Variants in ADAMTSL1 observed in about 807,000 individuals in gnomAD.
ADAMTSL1 encodes the protein ADAMTS-like protein 1.
Under a neutral mutation model 201.8 loss-of-function variants are expected in ADAMTSL1, and 126 were observed. That is an observed-to-expected ratio of 0.62 (90% CI 0.54 to 0.72). The LOEUF (loss-of-function observed/expected upper bound fraction) is 0.72, where lower values mean the gene tolerates loss of function less well. ADAMTSL1 is among the 30% of genes least tolerant of loss of function. ADAMTSL1 has a pLI of 0.00. For synonymous variants in ADAMTSL1, 1,121 were observed against 903.4 expected (o/e 1.24, Z -4.32); for missense variants, 2,679 against 2,277.8 (o/e 1.18, Z -3.59).
intron 2 of ADAMTSL1, among the ~76,000 whole-genome samples, chr9:18,232,638 G>T (rs1830688106): frequency 6.6e-6 from 1 of 152,164 alleles, no homozygotes; most frequent in South Asian, 2.1e-4. Flanking sequence ...GGTCTCTGTA[G>T]TTAGACCTCT....
intron 2 of ADAMTSL1, among the ~76,000 whole-genome samples, chr9:18,246,378 C>G (rs1831259038): frequency 6.6e-6 from 1 of 151,932 alleles, no homozygotes; most frequent in Non-Finnish European, 1.5e-5. Flanking sequence ...TGTGTATTAC[C>G]ATTTGGAAAC....
chr9:18,325,436 A>G (rs1172764405), intron 2 of ADAMTSL1, among the ~76,000 whole-genome samples: 1 of 152,246 alleles, frequency 6.6e-6, no homozygotes, highest in Non-Finnish European at 1.5e-5. Flanking sequence ...TTACATACAT[A>G]TTCATGTGGA....
At chr9:18,577,927 C>A (rs1822842706) in intron 4 of ADAMTSL1, among the ~76,000 whole-genome samples, 1 of 151,796 alleles carries the variant, frequency 6.6e-6, no homozygotes, top group Non-Finnish European at 1.5e-5. Context: ...GAATAAAGGA[C>A]AATTCTTTGA....
chr9:18,057,671 C>T (rs560069219), intron 1 of ADAMTSL1, among the ~76,000 whole-genome samples: 5 of 152,220 alleles, frequency 3.3e-5, no homozygotes, highest in Non-Finnish European at 7.3e-5. Context: ...AAAGTCAGAG[C>T]TTGTCACCAC....
At chr9:18,862,035 G>A (rs1827245046) in intron 23 of ADAMTSL1, among the ~76,000 whole-genome samples, 1 of 152,174 alleles carries the variant, frequency 6.6e-6, no homozygotes, top group South Asian at 2.1e-4. Flanking sequence ...CACCCCCACT[G>A]CTCACCGTGG....
At chr9:18,886,368 C>T (rs1828898203) in intron 23 of ADAMTSL1, among the ~76,000 whole-genome samples, 1 of 151,206 alleles carries the variant, frequency 6.6e-6, no homozygotes, top group African/African-American at 2.4e-5. Flanking sequence ...CTTGGGTGAC[C>T]GAGCGAGACC....
At chr9:18,139,194 A>G (rs879385190) in intron 1 of ADAMTSL1, among the ~76,000 whole-genome samples, 6 of 152,090 alleles carry the variant, frequency 3.9e-5, no homozygotes, top group Admixed American at 1.3e-4. Flanking sequence ...TGAAATGGCA[A>G]TCTTTCGTCA....
At chr9:18,682,779 C>A (rs1320852656) in intron 12 of ADAMTSL1, among the ~76,000 whole-genome samples, 1 of 152,004 alleles carries the variant, frequency 6.6e-6, no homozygotes, top group Non-Finnish European at 1.5e-5. Context: ...CTTTATTATA[C>A]TATAGGTGGC....
intron 1 of ADAMTSL1, among the ~76,000 whole-genome samples, chr9:18,151,387 G>T (rs1434826254): frequency 6.6e-6 from 1 of 151,968 alleles, no homozygotes; most frequent in Admixed American, 6.6e-5. Context: ...TCTCAGAGTT[G>T]GAAAGACTCT....
At chr9:18,839,311 A>G (rs2131308716) in intron 23 of ADAMTSL1, among the ~76,000 whole-genome samples, 1 of 151,186 alleles carries the variant, frequency 6.6e-6, no homozygotes, top group African/African-American at 2.4e-5. Context: ...ACAATAGTTT[A>G]CTGAGAATGA....
intron 5 of ADAMTSL1, among the ~76,000 whole-genome samples, chr9:18,634,145 C>A (rs912673402): frequency 6.6e-6 from 1 of 152,056 alleles, no homozygotes; most frequent in Admixed American, 6.6e-5. Flanking sequence ...CTAATTTAAA[C>A]TAAATTCTCC....
intron 4 of ADAMTSL1, among the ~76,000 whole-genome samples, chr9:18,581,602 C>T (rs928669411): frequency 1.3e-5 from 2 of 152,182 alleles, no homozygotes; most frequent in South Asian, 4.1e-4. Flanking sequence ...GGATATAGTG[C>T]ATCCTGGGAC....
intron 2 of ADAMTSL1, among the ~76,000 whole-genome samples, chr9:18,403,839 T>C (rs1275947323): frequency 6.6e-6 from 1 of 152,180 alleles, no homozygotes; most frequent in Non-Finnish European, 1.5e-5. Flanking sequence ...TACCCAAAAA[T>C]ATTTTAAATC....
chr9:18,678,806 C>G (rs1830273700), intron 10 of ADAMTSL1, among the ~76,000 whole-genome samples: 1 of 152,138 alleles, frequency 6.6e-6, no homozygotes, highest in Admixed American at 6.5e-5. Context: ...TGATATTCAT[C>G]TCCAGAAGGA....
chr9:18,680,782 A>T, intron 11 of ADAMTSL1: 1 of 453,418 alleles, frequency 2.2e-6, no homozygotes. Context: ...CGGGGAAGCA[A>T]CTGCCTTTCA....
At chr9:18,033,826 C>G (rs762938791) in intron 1 of ADAMTSL1, among the ~76,000 whole-genome samples, 1 of 152,352 alleles carries the variant, frequency 6.6e-6, no homozygotes, top group East Asian at 1.9e-4. Flanking sequence ...AGACCCCTCT[C>G]TTATACATGT....
intron 4 of ADAMTSL1, among the ~76,000 whole-genome samples, chr9:18,602,466 C>T (rs1334882200): frequency 6.6e-6 from 1 of 152,156 alleles, no homozygotes; most frequent in Non-Finnish European, 1.5e-5. Flanking sequence ...TGCACAGTAC[C>T]AGCACTGGAA....
At chr9:18,726,485 T>C (rs879638635) in intron 15 of ADAMTSL1, among the ~76,000 whole-genome samples, 1 of 151,160 alleles carries the variant, frequency 6.6e-6, no homozygotes, top group Non-Finnish European at 1.5e-5. Context: ...CACTATTGCC[T>C]GGGTAACAGA....
intron 28 of ADAMTSL1, chr9:18,907,125 G>A (rs1034804592): frequency 5.5e-5 from 31 of 563,414 alleles, no homozygotes; most frequent in Middle Eastern, 5.3e-4. Flanking sequence ...GGGCTTCCAT[G>A]ATCTCCATCC....
Sources: gnomAD v4.1 joint callset for allele counts (sites outside exome capture counted in the v4.1 genomes callset) on GRCh38, gnomAD v4.1.1 for gene constraint, MANE v1.5 for transcripts, NCBI Gene and HGNC (gene_info 2026-07-23, HGNC 2026-07-21) for gene names.